The following PDE1A variants were observed in gnomAD, a reference collection of about 807,000 sequenced individuals.
PDE1A encodes dual specificity calcium/calmodulin-dependent 3',5'-cyclic nucleotide phosphodiesterase 1A.
In PDE1A, 35 loss-of-function variants were observed where a neutral mutation model predicts 61.7. The ratio of observed to expected loss-of-function variants is 0.57; its 90% CI spans 0.43 to 0.75. The LOEUF (loss-of-function observed/expected upper bound fraction) is 0.75, where lower values mean the gene tolerates loss of function less well. PDE1A is among the 30% of genes least tolerant of loss of function. The probability of loss-of-function intolerance (pLI) is 0.00; values close to 1 mark genes in which losing one functional copy is unlikely to be tolerated. For synonymous variants in PDE1A, 232 were observed against 213.2 expected (o/e 1.09, Z -0.77); for missense variants, 597 against 630.6 (o/e 0.95, Z 0.57).
intron 2 of PDE1A, among the ~76,000 whole-genome samples, chr2:182,515,334 G>A (rs1433665623): frequency 6.6e-6 from 1 of 152,174 alleles, no homozygotes; most frequent in Non-Finnish European, 1.5e-5. Context: ...TATACAATCA[G>A]AGTATATTTA....
the PDE1A span, among the ~76,000 whole-genome samples, chr2:182,583,885 C>A: frequency 1.2e-3 from 179 of 152,246 alleles, 3 homozygotes; most frequent in East Asian, 0.032. Flanking sequence ...AATTTTTGCA[C>A]AGAAGTTGAA....
At chr2:182,214,050 T>C (rs2125552788) in intron 7 of PDE1A, among the ~76,000 whole-genome samples, 1 of 144,124 alleles carries the variant, frequency 6.9e-6, no homozygotes, top group African/African-American at 2.6e-5. Context: ...GGGAAGCCCA[T>C]CAGACTAACA....
the PDE1A span, among the ~76,000 whole-genome samples, chr2:182,528,653 G>C: frequency 6.6e-6 from 1 of 152,296 alleles, no homozygotes; most frequent in African/African-American, 2.4e-5. Context: ...CTTTGTGGCA[G>C]CCCCTCCCAT....
At chr2:182,560,643 A>T in the PDE1A span, among the ~76,000 whole-genome samples, 12 of 152,138 alleles carry the variant, frequency 7.9e-5, no homozygotes, top group African/African-American at 2.9e-4. Context: ...CACCACACTG[A>T]CTTTCACGAT....
chr2:182,700,120 C>T, the PDE1A span, among the ~76,000 whole-genome samples: 1 of 152,174 alleles, frequency 6.6e-6, no homozygotes, highest in Non-Finnish European at 1.5e-5. Flanking sequence ...CTTTTCTTGA[C>T]ATTAATACAA....
intron 1 of PDE1A, among the ~76,000 whole-genome samples, chr2:182,358,850 T>C (rs559232927): frequency 3.9e-5 from 6 of 152,256 alleles, no homozygotes; most frequent in African/African-American, 1.4e-4. Context: ...TTCTTGTTAT[T>C]AGAAGAGATG....
At chr2:182,422,781 A>C (rs1038309673) in intron 1 of PDE1A, among the ~76,000 whole-genome samples, 1 of 152,220 alleles carries the variant, frequency 6.6e-6, no homozygotes, top group African/African-American at 2.4e-5. Flanking sequence ...GGTTTTCAAA[A>C]GCCTAAAGGA....
At chr2:182,227,225 A>T (rs1689212439) in intron 6 of PDE1A, among the ~76,000 whole-genome samples, 1 of 152,054 alleles carries the variant, frequency 6.6e-6, no homozygotes, top group Admixed American at 6.6e-5. Flanking sequence ...TAGTATATGA[A>T]TGGGTAGAAG....
At chr2:182,690,625 A>C in the PDE1A span, among the ~76,000 whole-genome samples, 1 of 152,252 alleles carries the variant, frequency 6.6e-6, no homozygotes, top group African/African-American at 2.4e-5. Context: ...GGCACAAGAC[A>C]GGGATGCCCT....
chr2:182,353,900 GA>G (rs1377539090), intron 1 of PDE1A, among the ~76,000 whole-genome samples: 1 of 151,980 alleles, frequency 6.6e-6, no homozygotes, highest in Non-Finnish European at 1.5e-5. Context: ...GTAGTATATA[GA>G]AACCTGCATT....
intron 2 of PDE1A, among the ~76,000 whole-genome samples, chr2:182,252,015 G>A (rs1183034694): frequency 1.3e-5 from 2 of 152,128 alleles, no homozygotes; most frequent in Non-Finnish European, 2.9e-5. Flanking sequence ...AAATAGTAGG[G>A]ATGATGACAA....
intron 1 of PDE1A, among the ~76,000 whole-genome samples, chr2:182,367,225 G>A (rs927982590): frequency 4.6e-5 from 7 of 151,738 alleles, no homozygotes; most frequent in African/African-American, 1.7e-4. Flanking sequence ...TTAATATTAG[G>A]GCTCTTTTAG....
At chr2:182,309,692 T>G (rs1695836577) in intron 1 of PDE1A, among the ~76,000 whole-genome samples, 1 of 152,060 alleles carries the variant, frequency 6.6e-6, no homozygotes, top group Non-Finnish European at 1.5e-5. Flanking sequence ...AATGAATCAA[T>G]GAAGAAAACC....
At chr2:182,569,096 T>C in the PDE1A span, among the ~76,000 whole-genome samples, 1 of 151,340 alleles carries the variant, frequency 6.6e-6, no homozygotes, top group South Asian at 2.1e-4. Context: ...CTAAAAAAAA[T>C]TTTGAAGTTA....
the PDE1A span, among the ~76,000 whole-genome samples, chr2:182,685,664 A>T: frequency 6.6e-6 from 1 of 152,142 alleles, no homozygotes; most frequent in South Asian, 2.1e-4. Context: ...TCCTGTCTGC[A>T]CTCTGTCTGA....
chr2:182,449,035 T>C (rs1482898940), intron 2 of PDE1A, among the ~76,000 whole-genome samples: 1 of 129,996 alleles, frequency 7.7e-6, no homozygotes, highest in African/African-American at 2.9e-5. Flanking sequence ...CACTACAGGA[T>C]CACATCATAC....
chr2:182,504,173 T>C (rs1689259823), intron 2 of PDE1A, among the ~76,000 whole-genome samples: 1 of 152,234 alleles, frequency 6.6e-6, no homozygotes, highest in Admixed American at 6.5e-5. Flanking sequence ...AACAAAACAA[T>C]CTGAATTCAT....
intron 7 of PDE1A, among the ~76,000 whole-genome samples, chr2:182,221,135 C>T (rs960401187): frequency 2.0e-5 from 3 of 151,994 alleles, no homozygotes; most frequent in African/African-American, 7.2e-5. Context: ...CCTCCTCCTC[C>T]CTCTCCACAG....
intron 2 of PDE1A, among the ~76,000 whole-genome samples, chr2:182,437,263 TC>T (rs1315218496): frequency 6.6e-6 from 1 of 151,964 alleles, no homozygotes; most frequent in East Asian, 1.9e-4. Context: ...GTGATATATA[TC>T]CCCAACGTAC....
Sources: allele counts gnomAD v4.1 joint callset (sites outside exome capture counted in the v4.1 genomes callset), GRCh38; gene constraint gnomAD v4.1.1; transcripts MANE v1.5; gene names NCBI Gene and HGNC (gene_info 2026-07-23, HGNC 2026-07-21).